Variants in FUT8 observed in about 807,000 individuals in gnomAD.
FUT8 encodes alpha-(1,6)-fucosyltransferase.
In FUT8, 29 loss-of-function variants were observed where a neutral mutation model predicts 71.3. The observed-to-expected ratio is 0.41, with a 90% CI of 0.30 to 0.55. FUT8 has a LOEUF of 0.55. FUT8 is among the 20% of genes least tolerant of loss of function. The pLI is 0.34. For synonymous variants in FUT8, 254 were observed against 239.3 expected (o/e 1.06, Z -0.57); for missense variants, 544 against 702.1 (o/e 0.77, Z 2.55).
chr14:65,740,886 A>T (rs1484322805), intron 10 of FUT8, among the ~76,000 whole-genome samples: 1 of 152,032 alleles, frequency 6.6e-6, no homozygotes, highest in Non-Finnish European at 1.5e-5. Flanking sequence ...TCAAGTTTTT[A>T]ATCTTCATAA....
chr14:65,424,018 A>G (rs2139398343), intron 1 of FUT8, among the ~76,000 whole-genome samples: 1 of 152,152 alleles, frequency 6.6e-6, no homozygotes, highest in East Asian at 1.9e-4. Flanking sequence ...CAAGCAATTC[A>G]CCTTTTTCTT....
intron 3 of FUT8, among the ~76,000 whole-genome samples, chr14:65,591,579 G>A (rs920611657): frequency 2.6e-5 from 4 of 152,084 alleles, no homozygotes; most frequent in Admixed American, 1.3e-4. Flanking sequence ...ATGAAAGGCA[G>A]GTAAGTTATT....
chr14:65,580,072 A>T (rs1034933280), intron 3 of FUT8, among the ~76,000 whole-genome samples: 2 of 147,438 alleles, frequency 1.4e-5, no homozygotes, highest in South Asian at 4.3e-4. Flanking sequence ...GCTATATTTT[A>T]TATATATATA....
Position 65,643,551 on chromosome 14 carries a change from G to T in FUT8, c.597+13945G>T, listed in dbSNP as rs539714582. 1.3e-5 allele frequency among the ~76,000 whole-genome samples: 2 copies of T among 152,084 alleles called. No individual in the cohort carries two copies. Among genetic ancestry groups the T allele is most frequent in the Non-Finnish European group, 2.9e-5 (2 of 68,012 alleles). Reference sequence around the variant, plus strand: ...CACCTGTAGTCTCAGCTACTCAGGAGGCTGAGGCAGGAGAATGGCGTGAAC... The same window carrying T: ...CACCTGTAGTCTCAGCTACTCAGGATGCTGAGGCAGGAGAATGGCGTGAAC... On this transcript the variant is annotated intron_variant, in intron 6 of 10. Coordinates refer to ENST00000673929, the MANE Select transcript of FUT8 (RefSeq NM_001371533.1). This position sits in a 1 kb window ranked among gnomAD's most constrained non-coding sequence, Gnocchi z 4.5.
chr14:65,570,029 G>T (rs1886389476), intron 3 of FUT8, among the ~76,000 whole-genome samples: 1 of 151,936 alleles, frequency 6.6e-6, no homozygotes, highest in Non-Finnish European at 1.5e-5. Flanking sequence ...TTTGCTCTTT[G>T]GTCTCTTGCT....
intron 7 of FUT8, among the ~76,000 whole-genome samples, chr14:65,673,452 T>TTGTGCTA (rs1259513062): frequency 3.9e-5 from 6 of 152,208 alleles, no homozygotes; most frequent in African/African-American, 1.4e-4. Flanking sequence ...AATGTGGTGG[T>TTGTGCTA]ATGGTTAAGA....
At chr14:65,645,396 A>C (rs1230783184) in intron 6 of FUT8, among the ~76,000 whole-genome samples, 1 of 152,212 alleles carries the variant, frequency 6.6e-6, no homozygotes, top group African/African-American at 2.4e-5. Flanking sequence ...AGTGATTTGT[A>C]ATGTTTTCTG....
chr14:65,561,509 T>G lies in FUT8; in HGVS notation c.-55T>G. The G allele has an allele frequency of 6.5e-7, 1 of 1,531,672 alleles. No individual in the cohort carries two copies. The highest frequency in any genetic ancestry group is 2.2e-5 in the East Asian group (1 of 44,448). The allele number at this position is 1,531,672 out of a possible 1,614,324, so 94.9% of individuals were successfully genotyped here. On this transcript the variant is annotated 5_prime_UTR_variant, in exon 3 of 11. It removes an upstream start codon present in the reference 5' UTR. Transcript: ENST00000673929. The stretch of plus-strand genomic sequence containing the variant: ...GCACTAACTAGAAACAGAGTTACAA[T>G]GTTTTCAATTCTTTGAGCTCCAGGA...
At position 65,615,835 on chromosome 14, in the gene FUT8, A is replaced by T. The variant is rs1889252320; in HGVS notation, c.204-143A>T. On this transcript the variant is annotated intron_variant, in intron 3 of 10. Transcript: ENST00000673929. The stretch of plus-strand genomic sequence containing the variant: ...ACTGGTTAATCCTATACCTTTGAAG[A>T]GAAAATTCCATTTGGTACTACTTTT... The T allele has an allele frequency of 6.7e-6, 4 of 594,260 alleles. No homozygotes were observed. In the East Asian group the frequency reaches 1.1e-4, roughly 17 times the overall value. 36.8% of individuals were successfully genotyped at this position (594,260 alleles called of 1,614,324 possible).
chr14:65,493,846 T>A (rs926084003), intron 2 of FUT8, among the ~76,000 whole-genome samples: 1 of 151,972 alleles, frequency 6.6e-6, no homozygotes, highest in Non-Finnish European at 1.5e-5. Flanking sequence ...AAGATTAACA[T>A]TTCAAGGCTG....
At chr14:65,359,795 G>A in the FUT8 span, among the ~76,000 whole-genome samples, 5 of 152,016 alleles carry the variant, frequency 3.3e-5, no homozygotes, top group African/African-American at 1.2e-4. Context: ...ATGAACGTGG[G>A]TTTACAATTT....
At chr14:65,462,795 C>T (rs2065986258) in intron 2 of FUT8, among the ~76,000 whole-genome samples, 1 of 152,170 alleles carries the variant, frequency 6.6e-6, no homozygotes, top group Non-Finnish European at 1.5e-5. Flanking sequence ...ACAATGACTA[C>T]ATATTGATGA....
chr14:65,477,043 CT>C (rs772235722), intron 2 of FUT8, among the ~76,000 whole-genome samples: 1 of 152,026 alleles, frequency 6.6e-6, no homozygotes, highest in Non-Finnish European at 1.5e-5. Context: ...TAAATATAAG[CT>C]TTTTTGGCAC....
chr14:65,511,738 G>C (rs1367853790), intron 2 of FUT8, among the ~76,000 whole-genome samples: 1 of 152,070 alleles, frequency 6.6e-6, no homozygotes, highest in Non-Finnish European at 1.5e-5. Context: ...GTTTCCATTG[G>C]CATGGAATAT....
chr14:65,411,242 A>G (rs1357561395), upstream of FUT8: 1 of 151,872 alleles, frequency 6.6e-6, no homozygotes, highest in Non-Finnish European at 1.5e-5. Context: ...CTGCTAGTAC[A>G]TCTTCTGTGT....
intron 1 of FUT8, among the ~76,000 whole-genome samples, chr14:65,437,916 AT>A (rs941596600): frequency 3.3e-5 from 5 of 151,632 alleles, no homozygotes; most frequent in Admixed American, 6.6e-5. Flanking sequence ...AGTGATAGTG[AT>A]TTTTTTTCTT....
At chr14:65,394,993 C>T in the FUT8 span, among the ~76,000 whole-genome samples, 1 of 152,188 alleles carries the variant, frequency 6.6e-6, no homozygotes, top group Non-Finnish European at 1.5e-5. Flanking sequence ...CCACCTGCCT[C>T]AGCCTCCCAG....
At chr14:65,425,464 G>A (rs2065370405) in intron 1 of FUT8, among the ~76,000 whole-genome samples, 1 of 143,452 alleles carries the variant, frequency 7.0e-6, no homozygotes, top group African/African-American at 2.6e-5. Context: ...CACCATGCCT[G>A]GCCGTTTTTT....
intron 5 of FUT8, among the ~76,000 whole-genome samples, chr14:65,626,281 G>GAC (rs1889892644): frequency 6.6e-6 from 1 of 151,624 alleles, no homozygotes; most frequent in African/African-American, 2.4e-5. Context: ...TTTTTAAAGA[G>GAC]CTTTAGAGAA....
Sources: allele counts gnomAD v4.1 joint callset (sites outside exome capture counted in the v4.1 genomes callset), GRCh38; gene constraint gnomAD v4.1.1; non-coding constraint Gnocchi (gnomAD v3.1); transcripts MANE v1.5; gene names NCBI Gene and HGNC (gene_info 2026-07-23, HGNC 2026-07-21).